Variants in SNTA1 observed in about 807,000 individuals in gnomAD.
The protein encoded by SNTA1 is alpha-1-syntrophin.
A neutral mutation model predicts 47.1 loss-of-function variants in SNTA1; 31 were observed. The observed-to-expected ratio is 0.66, with a 90% CI of 0.49 to 0.89. The LOEUF (loss-of-function observed/expected upper bound fraction) is 0.89, where lower values mean the gene tolerates loss of function less well. Ranked by LOEUF, SNTA1 falls within the 40% of genes least tolerant of loss-of-function variation. The probability of loss-of-function intolerance (pLI) is 0.00; values close to 1 mark genes in which losing one functional copy is unlikely to be tolerated. For missense variants in SNTA1, 575 were observed against 693.0 expected (o/e 0.83, Z 1.91); for synonymous variants, 300 against 313.6 (o/e 0.96, Z 0.46).
chr20:33,435,137 C>T (rs968909243), intron 2 of SNTA1, among the ~76,000 whole-genome samples: 3 of 151,096 alleles, frequency 2.0e-5, no homozygotes, highest in African/African-American at 7.3e-5. Flanking sequence ...ATTACAGGCA[C>T]GCGCCACCAT....
chr20:33,427,765 G>T (rs981220216), intron 2 of SNTA1, among the ~76,000 whole-genome samples: 2 of 152,022 alleles, frequency 1.3e-5, no homozygotes, highest in Admixed American at 6.6e-5. Context: ...ATGAATAGGG[G>T]CTGCTAAAAA....
intron 2 of SNTA1, among the ~76,000 whole-genome samples, chr20:33,436,939 G>T (rs1600862321): frequency 6.9e-6 from 1 of 145,484 alleles, no homozygotes; most frequent in East Asian, 2.0e-4. Flanking sequence ...GCTCCAGCCT[G>T]GGCGACAGAG....
rs201405395 is a variant in SNTA1, at chr20:33,417,876, C to T, written c.544G>A (p.Gly182Arg). Reference sequence around the variant, plus strand: ...GGTGAGTCCCAGCCGACCGAGGTCCCACCAGTAGAGTTCTTGAAATACGGT... The same window carrying T: ...GGTGAGTCCCAGCCGACCGAGGTCCTACCAGTAGAGTTCTTGAAATACGGT... ...VSPYFKNSTG[G>R]TSVGWDSPPA... Residue 182 changes from glycine to arginine, a missense_variant, in exon 3 of 8, where the codon GGG becomes AGG. By Grantham distance (125) the Gly-to-Arg change is moderately radical (BLOSUM62 -2). Coordinates refer to ENST00000217381, the MANE Select transcript of SNTA1 (RefSeq NM_003098.3). 5.0e-6 allele frequency: 8 copies of T among 1,614,010 alleles called. No individual in the cohort carries two copies. The highest frequency in any genetic ancestry group is 1.1e-5 in the South Asian group (1 of 91,086).
intron 2 of SNTA1, among the ~76,000 whole-genome samples, chr20:33,425,294 A>G (rs1342498186): frequency 6.6e-6 from 1 of 152,052 alleles, no homozygotes; most frequent in Non-Finnish European, 1.5e-5. Context: ...TAAGTAAATA[A>G]AAGAAAAAAA....
chr20:33,414,257 A>AAAAAAAAAAAAAAAAAAAC (rs1989819537), intron 3 of SNTA1, among the ~76,000 whole-genome samples: 1 of 136,786 alleles, frequency 7.3e-6, no homozygotes, highest in Non-Finnish European at 1.5e-5. Context: ...AAAAAAAAAA[A>AAAAAAAAAAAAAAAAAAAC]AAAAAAAAAA....
intron 7 of SNTA1, 43 bp from the exon 8 acceptor site, chr20:33,408,642 TGGCCTCCGAGAG>T: frequency 6.2e-7 from 1 of 1,610,602 alleles, no homozygotes; most frequent in Non-Finnish European, 8.5e-7. Flanking sequence ...CTGGCCAGCC[TGGCCTCCGAGAG>T]TGCACACCCC....
chr20:33,435,122 C>T (rs968972930), intron 2 of SNTA1, among the ~76,000 whole-genome samples: 1 of 150,442 alleles, frequency 6.6e-6, no homozygotes, highest in Non-Finnish European at 1.5e-5. Context: ...TCCTGAGTAG[C>T]TGGGATTACA....
In SNTA1 at chr20:33,443,307, C is replaced by T; in HGVS notation, c.310+4G>A. 2 of 1,511,236 alleles carry T rather than the reference C, an allele frequency of 1.3e-6. No individual in the cohort carries two copies. Among genetic ancestry groups the T allele is most frequent in the Non-Finnish European group, 1.8e-6 (2 of 1,137,346 alleles). The allele number at this position is 1,511,236 out of a possible 1,614,324, so 93.6% of individuals were successfully genotyped here. ...ACCCCGCGCCCTCGGTGTCCCGCGCCCACCTTTGATGCTGATGCCCAGCCC... is the reference window on the plus strand; with the variant it reads ...ACCCCGCGCCCTCGGTGTCCCGCGCTCACCTTTGATGCTGATGCCCAGCCC... On this transcript the variant is annotated splice_donor_region_variant and intron_variant, in intron 1 of 7. Transcript: ENST00000217381.
chr20:33,443,703 G>C lies in SNTA1; in HGVS notation c.-83C>G. ...CTCCGACCAAGCGCCCAGGGCAGAG[G>C]GCAGCGGGGGCCCGGCTGGGCCAGC... is the stretch of plus-strand genomic sequence containing the variant. On this transcript the variant is annotated 5_prime_UTR_variant, in exon 1 of 8. Transcript: ENST00000217381. 4 of 880,124 alleles carry C rather than the reference G, an allele frequency of 4.5e-6. No homozygotes were observed. The highest frequency in any genetic ancestry group is 5.7e-6 in the Non-Finnish European group (4 of 698,980). 54.5% of individuals were successfully genotyped at this position (880,124 alleles called of 1,614,324 possible). A position where few individuals can be genotyped will look rare whatever the true frequency, so the allele number is the denominator to read the frequency against.
rs1044836327 is a variant in SNTA1 at position 33,443,730 on chromosome 20, G to A, written c.-110C>T. 2.4e-5 allele frequency: 15 copies of A among 626,666 alleles called. No homozygotes were observed. The Admixed American group carries it at 6.8e-4, about 28-fold the overall frequency. 38.8% of individuals were successfully genotyped at this position (626,666 alleles called of 1,614,324 possible). On this transcript the variant is annotated 5_prime_UTR_variant, in exon 1 of 8. Transcript: ENST00000217381. ...CAGCGGGGGCCCGGCTGGGCCAGCC[G>A]CCACCCTACCCCGGCCGCTGGGGGA...
intron 1 of SNTA1, among the ~76,000 whole-genome samples, chr20:33,442,990 G>A (rs1314976727): frequency 6.6e-6 from 1 of 151,814 alleles, no homozygotes; most frequent in Non-Finnish European, 1.5e-5. Flanking sequence ...TCTGCTTTCC[G>A]GGGGACCCCT....
At chr20:33,424,033 G>A (rs1257469003) in intron 2 of SNTA1, among the ~76,000 whole-genome samples, 1 of 152,122 alleles carries the variant, frequency 6.6e-6, no homozygotes, top group East Asian at 1.9e-4. Flanking sequence ...AGTACCTGAC[G>A]GCCGGGCGCG....
intron 2 of SNTA1, among the ~76,000 whole-genome samples, chr20:33,423,261 GT>G (rs1205693328): frequency 1.3e-5 from 2 of 152,170 alleles, no homozygotes; most frequent in Non-Finnish European, 2.9e-5. Context: ...CAAGTGGCCT[GT>G]CCCAGAGTGG....
In SNTA1 at chr20:33,443,652, C is replaced by A; in HGVS notation, c.-32G>T. 1 of 1,171,202 alleles carries A rather than the reference C, an allele frequency of 8.5e-7. No individual in the cohort carries two copies. Among genetic ancestry groups the A allele is most frequent in the Non-Finnish European group, 1.1e-6 (1 of 949,106 alleles). 72.6% of individuals were successfully genotyped at this position (1,171,202 alleles called of 1,614,324 possible). On this transcript the variant is annotated 5_prime_UTR_variant, in exon 1 of 8. Coordinates refer to ENST00000217381, the MANE Select transcript of SNTA1 (RefSeq NM_003098.3). ...CTCCGAGCCCCCGGGCCGCCGCGCT[C>A]GCCCTGTCCCGCTTTGCCCAGCCCG...
chr20:33,408,652 G>C, intron 7 of SNTA1, 49 bp downstream of exon 7: 2 of 1,610,852 alleles, frequency 1.2e-6, no homozygotes, highest in Non-Finnish European at 1.7e-6. Flanking sequence ...TGGCCTCCGA[G>C]AGTGCACACC....
intron 2 of SNTA1, among the ~76,000 whole-genome samples, chr20:33,422,352 T>C (rs1990052921): frequency 6.6e-6 from 1 of 150,774 alleles, no homozygotes; most frequent in Non-Finnish European, 1.5e-5. Context: ...GGCAGGAGAA[T>C]CGCTTGAACC....
chr20:33,412,933 G>A, intron 3 of SNTA1, 151 bp from the exon 4 acceptor site: 2 of 677,920 alleles, frequency 3.0e-6, no homozygotes, highest in Admixed American at 4.2e-5. Context: ...CTGGGCTCCA[G>A]CCACAGTTGC....
chr20:33,439,229 T>A (rs185634076), intron 1 of SNTA1, among the ~76,000 whole-genome samples: 1 of 152,280 alleles, frequency 6.6e-6, no homozygotes, highest in Admixed American at 6.5e-5. Flanking sequence ...TTTGATTAGG[T>A]CCGGTGGCTC....
intron 2 of SNTA1, among the ~76,000 whole-genome samples, chr20:33,436,147 C>A (rs6141396): frequency 0.43 from 65,940 of 151,728 alleles, 15,008 homozygotes; most frequent in Non-Finnish European, 0.51. Flanking sequence ...GAGCCGAGAT[C>A]CCGCCACTGC....
Sources: allele counts gnomAD v4.1 joint callset (sites outside exome capture counted in the v4.1 genomes callset), GRCh38; gene constraint gnomAD v4.1.1; transcripts MANE v1.5; gene names NCBI Gene and HGNC (gene_info 2026-07-23, HGNC 2026-07-21).